The following ST6GALNAC6 variants were observed in gnomAD, a reference collection of about 807,000 sequenced individuals.
ST6GALNAC6 encodes ST6 N-acetylgalactosaminide alpha-2,6-sialyltransferase 6.
A neutral mutation model predicts 34.3 loss-of-function variants in ST6GALNAC6; 19 were observed. The observed-to-expected ratio is 0.55, with a 90% CI of 0.39 to 0.81. The LOEUF is 0.81. ST6GALNAC6 is among the 40% of genes least tolerant of loss of function. The pLI is 0.00. For missense variants in ST6GALNAC6, 377 were observed against 467.7 expected, an observed-to-expected ratio of 0.81 and a Z score of 1.79; for synonymous variants, 185 against 182.1, an observed-to-expected ratio of 1.02 and a Z score of -0.13.
chr9:127,906,024 C>T (rs931538248), upstream of ST6GALNAC6: 1 of 982,176 alleles, frequency 1.0e-6, no homozygotes, highest in African/African-American at 1.7e-5. Flanking sequence ...GGGCTCTCCT[C>T]CCCCCTCCCA....
chr9:127,896,953 T>C, intron 2 of ST6GALNAC6: 7 of 985,102 alleles, frequency 7.1e-6, no homozygotes, highest in Non-Finnish European at 8.4e-6. Flanking sequence ...ATTAGTGCAT[T>C]AACAAGCAGG....
Position 127,888,399 on chromosome 9 carries a change from G to A in ST6GALNAC6, c.705-808C>T, listed in dbSNP as rs185246563. On this transcript the variant is annotated intron_variant, in intron 5 of 6. Transcript: ENST00000373146. ...CGTGCCTGTAGTCCCAGCTACATGG[G>A]AGACTGAGGCAGGAGAATTGCTTGA... Among the ~76,000 whole-genome samples, 109 of 151,396 alleles carry A rather than the reference G, an allele frequency of 7.2e-4. 1 individual carries two copies. Among genetic ancestry groups the A allele is most frequent in the African/African-American group, 2.5e-3 (105 of 41,180 alleles).
intron 3 of ST6GALNAC6, 57 bp downstream of exon 3, chr9:127,896,185 C>T (rs967002314): frequency 2.6e-5 from 41 of 1,581,176 alleles, no homozygotes; most frequent in East Asian, 2.2e-4. Context: ...CAAAGGAACC[C>T]GTTCCATGGA....
chr9:127,888,187 T>C (rs1193541585), intron 5 of ST6GALNAC6, among the ~76,000 whole-genome samples: 1 of 152,038 alleles, frequency 6.6e-6, no homozygotes, highest in African/African-American at 2.4e-5. Flanking sequence ...CTGGGGAACA[T>C]AGTGAGACCT....
intron 5 of ST6GALNAC6, among the ~76,000 whole-genome samples, chr9:127,888,008 A>C (rs1466552829): frequency 6.6e-6 from 1 of 152,238 alleles, no homozygotes; most frequent in Non-Finnish European, 1.5e-5. Context: ...GGCCTGAAGG[A>C]GTAGCCCAGA....
At chr9:127,894,818 C>G in intron 3 of ST6GALNAC6, 127 bp from the exon 4 acceptor site, 2 of 996,124 alleles carry the variant, frequency 2.0e-6, no homozygotes, top group Non-Finnish European at 3.0e-6. Context: ...ACTACTTCCT[C>G]CAGGAAGGCC....
Position 127,890,886 on chromosome 9 carries a change from G to T in ST6GALNAC6, c.455C>A (p.Thr152Asn), listed in dbSNP as rs1024073702. The T allele has an allele frequency of 6.2e-7, 1 of 1,614,216 alleles. No individual in the cohort carries two copies. Among genetic ancestry groups the T allele is most frequent in the Non-Finnish European group, 8.5e-7 (1 of 1,180,038 alleles). ...GYSADVGNKT[T>N]YRVVAHSSVF... The stretch of plus-strand genomic sequence containing the variant: ...ACTGGAATGGGCCACGACGCGGTAG[G>T]TGGTCTTGTTGCCCACATCAGCTGA... Residue 152 changes from threonine to asparagine, a missense_variant, in exon 5 of 7, where the codon ACC (threonine) becomes AAC (asparagine). Transcript: ENST00000373146. This position sits in a 1 kb window ranked among gnomAD's most constrained non-coding sequence, Gnocchi z 4.3.
upstream of ST6GALNAC6, chr9:127,905,975 T>A: frequency 1.0e-6 from 1 of 985,566 alleles, no homozygotes; most frequent in Non-Finnish European, 1.2e-6. Context: ...CTCCGTGCTG[T>A]GGCTCCGCTG....
upstream of ST6GALNAC6, chr9:127,903,347 C>T (rs1260649907): frequency 6.6e-6 from 1 of 152,158 alleles, no homozygotes; most frequent in East Asian, 1.9e-4. Context: ...TGTAAATGCA[C>T]ACATAAAGTG....
At chr9:127,894,849 C>A (rs1302831294) in intron 3 of ST6GALNAC6, among the ~76,000 whole-genome samples, 158 bp from the exon 4 acceptor site, 1 of 152,138 alleles carries the variant, frequency 6.6e-6, no homozygotes, top group Non-Finnish European at 1.5e-5. Flanking sequence ...ACCTCAGTCC[C>A]CCCATCACAA....
Position 127,897,856 on chromosome 9 carries a change from C to T in ST6GALNAC6, c.26+100G>A, listed in dbSNP as rs1172624217. 9 of 1,593,884 alleles carry T rather than the reference C, an allele frequency of 5.6e-6. No individual in the cohort carries two copies. The Admixed American group carries it at 6.7e-5, about 12-fold the overall frequency. On this transcript the variant is annotated intron_variant, in intron 2 of 6. Coordinates refer to ENST00000373146, the MANE Select transcript of ST6GALNAC6 (RefSeq NM_013443.5). ...CCCGAGCTGTGCCCTCAGCCAGGAC[C>T]ACCGTCCCCCTGGTCCGCCCCGTCA...
Position 127,890,821 on chromosome 9 carries a change from G to A in ST6GALNAC6, c.520C>T (p.Arg174Trp), listed in dbSNP as rs368803852. 12 of 1,613,762 alleles carry A rather than the reference G, an allele frequency of 7.4e-6. No individual in the cohort carries two copies. In the African/African-American group the frequency reaches 1.3e-4, roughly 18 times the overall value. The change falls in exon 5 of 7, where the codon CGG (arginine) becomes TGG (tryptophan). Residue 174 changes from arginine to tryptophan, a missense_variant. Arg to Trp is a moderately radical substitution (Grantham distance 101). Coordinates refer to ENST00000373146, the MANE Select transcript of ST6GALNAC6 (RefSeq NM_013443.5). This position sits in a 1 kb window ranked among gnomAD's most constrained non-coding sequence, Gnocchi z 4.3. Reference protein sequence around the residue: ...VLRRPQEFVNRTPETVFIFWG... With the variant: ...VLRRPQEFVNWTPETVFIFWG... ...AAGATGAACACGGTTTCAGGGGTCC[G>A]GTTGACAAACTCCTGGGGCCTCCTC...
intron 2 of ST6GALNAC6, chr9:127,896,775 G>T: frequency 1.2e-6 from 1 of 811,186 alleles, no homozygotes; most frequent in Non-Finnish European, 1.5e-6. Flanking sequence ...CCCTCCTATG[G>T]CCTCCTGACT....
chr9:127,886,632 A>G lies in ST6GALNAC6; in HGVS notation c.969T>C (p.Tyr323=), dbSNP rs779929175. The part of the protein sequence containing the change: ...KRVFSSWAQL[Y]GITFSHPSWT ...AGGAGGGGTGGGAGAAGGTGATGCC[A>G]TACAGCTGGGCCCACGATGAGAAGA... The change falls in exon 7 of 7, where the codon TAT becomes TAC. Residue 323 remains tyrosine, a synonymous_variant. Transcript: ENST00000373146. The G allele has an allele frequency of 6.2e-7, 1 of 1,613,242 alleles. No homozygotes were observed. The highest frequency in any genetic ancestry group is 1.1e-5 in the South Asian group (1 of 91,040).
At chr9:127,887,707 C>T (rs918779563) in intron 5 of ST6GALNAC6, 116 bp from the exon 6 acceptor site, 3 of 806,092 alleles carry the variant, frequency 3.7e-6, no homozygotes, top group Non-Finnish European at 6.1e-6. Flanking sequence ...ATCAGGGCCC[C>T]ACTCCCACTT....
At chr9:127,901,594 G>A (rs913631646), upstream of ST6GALNAC6, among the ~76,000 whole-genome samples, 8 of 149,748 alleles carry the variant, frequency 5.3e-5, no homozygotes, top group Non-Finnish European at 8.9e-5. Context: ...CAGCCTGGGC[G>A]ACAGAGAGAG....
rs763363615 is a variant in ST6GALNAC6 at position 127,887,449 on chromosome 9, G to T, written c.812+35C>A. The T allele has an allele frequency of 4.5e-6, 7 of 1,571,448 alleles. No homozygotes were observed. In the South Asian group the frequency reaches 7.9e-5, roughly 18 times the overall value. On this transcript the variant is annotated intron_variant, in intron 6 of 6. Coordinates refer to ENST00000373146, the MANE Select transcript of ST6GALNAC6 (RefSeq NM_013443.5). ...TCCATCCTGCGGCCAGTGCCTGGGT[G>T]TTGTCCTGGGAGGGCGCTGGCAAGG...
rs1379656182 is a variant in ST6GALNAC6 at position 127,886,129 on chromosome 9, G to A, written c.*470C>T. 1.1e-5 allele frequency: 2 copies of A among 187,258 alleles called. No homozygotes were observed. Among genetic ancestry groups the A allele is most frequent in the Non-Finnish European group, 2.2e-5 (2 of 91,364 alleles). The allele number at this position is 187,258 out of a possible 1,614,324, so 11.6% of individuals were successfully genotyped here. On this transcript the variant is annotated 3_prime_UTR_variant, in exon 7 of 7. Coordinates refer to ENST00000373146, the MANE Select transcript of ST6GALNAC6 (RefSeq NM_013443.5). ...CCTCCACAACCCCACAAATTCTCTG[G>A]CCGGGCCTCCAGACAGCTTCTACCC...
At chr9:127,887,627 C>T in intron 5 of ST6GALNAC6, 36 bp from the exon 6 acceptor site, 3 of 1,550,772 alleles carry the variant, frequency 1.9e-6, no homozygotes, top group South Asian at 1.1e-5. Context: ...AGGGCACATG[C>T]AGGGAGAGAT....
Sources: gnomAD v4.1 joint callset for allele counts (sites outside exome capture counted in the v4.1 genomes callset) on GRCh38, gnomAD v4.1.1 for gene constraint, Gnocchi (gnomAD v3.1) non-coding constraint, MANE v1.5 for transcripts, NCBI Gene and HGNC (gene_info 2026-07-23, HGNC 2026-07-21) for gene names.